Variants in CAMSAP2 observed in about 807,000 individuals in gnomAD.
The protein encoded by CAMSAP2 is calmodulin-regulated spectrin-associated protein 2.
CAMSAP2 carries 26 observed loss-of-function variants against 146.1 expected under a neutral mutation model. That is an observed-to-expected ratio of 0.18 (90% CI 0.13 to 0.25). CAMSAP2 has a LOEUF of 0.25. CAMSAP2 is among the 10% of genes least tolerant of loss of function. CAMSAP2 has a pLI of 1.00. For synonymous variants in CAMSAP2, 499 were observed against 596.6 expected (o/e 0.84, Z 2.38); for missense variants, 1,381 against 1,759.3 (o/e 0.78, Z 3.85).
In CAMSAP2 at chr1:200,816,869, T is replaced by C. The variant is rs558996119; in HGVS notation, c.645+1225T>C. Among the ~76,000 whole-genome samples the C allele has an allele frequency of 5.8e-3, 381 of 65,168 alleles. 122 individuals are homozygous for C. Among genetic ancestry groups the C allele is most frequent in the East Asian group, 0.028 (30 of 1,080 alleles). 42.8% of individuals were successfully genotyped at this position (65,168 alleles called of 152,430 possible). ...GTACACACACACGCGTGTGTATGTG[T>C]GTACACACACACGCGTGTGTATGTG... On this transcript the variant is annotated intron_variant, in intron 4 of 16. Transcript: ENST00000358823.
At chr1:200,777,566 A>G (rs578086479) in intron 2 of CAMSAP2, among the ~76,000 whole-genome samples, 25 of 152,196 alleles carry the variant, frequency 1.6e-4, no homozygotes, top group Middle Eastern at 3.4e-3. Context: ...GTCTTTTTCT[A>G]ACTTCTAGGA....
chr1:200,839,234 C>G (rs1667256924), intron 6 of CAMSAP2, among the ~76,000 whole-genome samples: 1 of 152,162 alleles, frequency 6.6e-6, no homozygotes, highest in African/African-American at 2.4e-5. Context: ...ATATGTACAT[C>G]ATTGGTGACT....
Position 200,739,665 on chromosome 1 carries a change from C to A in CAMSAP2, c.-163C>A. The A allele has an allele frequency of 7.6e-6, 4 of 527,898 alleles. No individual in the cohort carries two copies. Among genetic ancestry groups the A allele is most frequent in the Non-Finnish European group, 1.1e-5 (4 of 350,962 alleles). The allele number at this position is 527,898 out of a possible 1,614,324, so 32.7% of individuals were successfully genotyped here. A position where few individuals can be genotyped will look rare whatever the true frequency, so the allele number is the denominator to read the frequency against. On this transcript the variant is annotated 5_prime_UTR_variant, in exon 1 of 17. Transcript: ENST00000358823. This position sits in a 1 kb window ranked among gnomAD's most constrained non-coding sequence, Gnocchi z 4.8. ...CGGCTCCCGCGGGAGGCGGCAGGCG[C>A]GCGGCGCGGACAGCTGAGCTTCTCC...
chr1:200,811,892 G>A (rs1485417638), intron 3 of CAMSAP2, among the ~76,000 whole-genome samples: 4 of 151,890 alleles, frequency 2.6e-5, no homozygotes, highest in Non-Finnish European at 5.9e-5. Flanking sequence ...CTTCCTTCCC[G>A]CTATATGCCC....
intron 2 of CAMSAP2, among the ~76,000 whole-genome samples, chr1:200,804,673 A>G (rs1666127122): frequency 6.6e-6 from 1 of 152,238 alleles, no homozygotes; most frequent in Non-Finnish European, 1.5e-5. Context: ...GGGATGGAGT[A>G]TAACGGAGAG....
At chr1:200,759,751 G>T (rs893463353) in intron 1 of CAMSAP2, among the ~76,000 whole-genome samples, 2 of 152,166 alleles carry the variant, frequency 1.3e-5, no homozygotes, top group Non-Finnish European at 2.9e-5. Flanking sequence ...GAGCTATCAG[G>T]TTCTATAATT....
At position 200,750,817 on chromosome 1, in the gene CAMSAP2, C is replaced by T. The variant is rs117178950; in HGVS notation, c.140-10022C>T. ...TTTTTTTTGTATTTTTGGTAGAGAC[C>T]GGGTTTCATGATGTTGGTCAGGTGA... On this transcript the variant is annotated intron_variant, in intron 1 of 16. Transcript: ENST00000358823. Among the ~76,000 whole-genome samples the T allele has an allele frequency of 9.9e-3, 1,484 of 150,026 alleles. 68 individuals are homozygous for T. Among genetic ancestry groups the T allele is most frequent in the East Asian group, 0.073 (374 of 5,094 alleles).
chr1:200,797,839 G>T (rs1571765607), intron 2 of CAMSAP2, among the ~76,000 whole-genome samples: 2 of 136,824 alleles, frequency 1.5e-5, no homozygotes, highest in East Asian at 2.2e-4. Flanking sequence ...ATCTTGAATT[G>T]ATTTTTGTAT....
intron 3 of CAMSAP2, among the ~76,000 whole-genome samples, chr1:200,813,507 A>G (rs750614178): frequency 6.6e-6 from 1 of 152,226 alleles, no homozygotes; most frequent in Non-Finnish European, 1.5e-5. Context: ...CCCCTGCTTC[A>G]TGAGGACAGG....
At chr1:200,742,631 T>G (rs1401435265) in intron 1 of CAMSAP2, among the ~76,000 whole-genome samples, 2 of 152,168 alleles carry the variant, frequency 1.3e-5, no homozygotes, top group Non-Finnish European at 2.9e-5. Context: ...TATATTTAGT[T>G]GTTCAAAAAA....
intron 2 of CAMSAP2, among the ~76,000 whole-genome samples, chr1:200,764,382 T>C (rs561016996): frequency 1.3e-5 from 2 of 152,320 alleles, no homozygotes; most frequent in African/African-American, 4.8e-5. Flanking sequence ...AAATAATATA[T>C]ATGAAGACAG....
intron 1 of CAMSAP2, among the ~76,000 whole-genome samples, chr1:200,754,993 C>G (rs111290122): frequency 7.9e-5 from 12 of 152,240 alleles, no homozygotes; most frequent in Non-Finnish European, 1.6e-4. Flanking sequence ...GGTGTTTTCC[C>G]AGTTTTAGCC....
intron 1 of CAMSAP2, among the ~76,000 whole-genome samples, chr1:200,757,519 G>A (rs1270433485): frequency 6.6e-6 from 1 of 151,902 alleles, no homozygotes; most frequent in South Asian, 2.1e-4. Flanking sequence ...CTTACTTTTT[G>A]TGTTCTGGAG....
chr1:200,771,032 G>A (rs1480963090), intron 2 of CAMSAP2, among the ~76,000 whole-genome samples: 1 of 152,100 alleles, frequency 6.6e-6, no homozygotes, highest in South Asian at 2.1e-4. Flanking sequence ...TGTCCTTGTG[G>A]ATTATACCAT....
intron 2 of CAMSAP2, among the ~76,000 whole-genome samples, chr1:200,793,644 A>G (rs1428139363): frequency 6.6e-6 from 1 of 152,018 alleles, no homozygotes; most frequent in African/African-American, 2.4e-5. Flanking sequence ...TTTATGGTAT[A>G]ATTAAAGTGG....
chr1:200,792,767 G>A (rs1262689668), intron 2 of CAMSAP2, among the ~76,000 whole-genome samples: 2 of 152,216 alleles, frequency 1.3e-5, no homozygotes, highest in East Asian at 3.8e-4. Flanking sequence ...GTGATTGCCA[G>A]GGGTTGGAGA....
Position 200,849,246 on chromosome 1 carries a change from C to G in CAMSAP2, c.2477C>G (p.Thr826Ser), listed in dbSNP as rs1667549504. The G allele has an allele frequency of 6.2e-7, 1 of 1,613,696 alleles. No individual in the cohort carries two copies. Residue 826 changes from threonine (T) to serine (S), a missense_variant, in exon 11 of 17, where the codon ACT becomes AGT. This residue lies in a region of CAMSAP2 where 560 missense variants were observed against 715.9 expected (regional missense o/e 0.78). Transcript: ENST00000358823. This position sits in a 1 kb window ranked among gnomAD's most constrained non-coding sequence, Gnocchi z 6.3. ...GCAAAAGAAAAGGAATCACAAAAAA[C>G]TGATGGACAAAGGAGCAAGTCACTG... ...DRAKEKESQK[T>S]DGQRSKSLAD...
intron 4 of CAMSAP2, among the ~76,000 whole-genome samples, chr1:200,829,649 C>T (rs549247225): frequency 8.6e-5 from 13 of 151,642 alleles, no homozygotes; most frequent in African/African-American, 2.7e-4. Context: ...CCATAATGGC[C>T]GGGTGCGGTG....
intron 14 of CAMSAP2, 30 bp downstream of exon 14, chr1:200,854,919 A>C (rs1374480311): frequency 1.3e-6 from 2 of 1,503,916 alleles, no homozygotes; most frequent in South Asian, 2.4e-5. Flanking sequence ...ATATTTTTAC[A>C]GAAAAGAATA....
Sources: allele counts gnomAD v4.1 joint callset (sites outside exome capture counted in the v4.1 genomes callset), GRCh38; gene constraint gnomAD v4.1.1; regional missense constraint gnomAD v4.1.1; non-coding constraint Gnocchi (gnomAD v3.1); transcripts MANE v1.5; gene names NCBI Gene and HGNC (gene_info 2026-07-23, HGNC 2026-07-21).